ABL2: variants seen among roughly 807,000 people sequenced by gnomAD.
ABL2 encodes tyrosine-protein kinase ABL2.
ABL2 carries 49 observed loss-of-function variants against 107.7 expected under a neutral mutation model. The observed-to-expected ratio is 0.45, with a 90% confidence interval of 0.36 to 0.58. The LOEUF (loss-of-function observed/expected upper bound fraction) is 0.58, where lower values mean the gene tolerates loss of function less well. ABL2 is among the 20% of genes least tolerant of loss of function. The probability of loss-of-function intolerance (pLI) is 0.00; values close to 1 mark genes in which losing one functional copy is unlikely to be tolerated. For synonymous variants in ABL2, 549 were observed against 548.6 expected, an observed-to-expected ratio of 1.00 and a Z score of -0.01; for missense variants, 1,245 against 1,457.0, an observed-to-expected ratio of 0.85 and a Z score of 2.37.
intron 1 of ABL2, among the ~76,000 whole-genome samples, chr1:179,140,510 C>T (rs1048442404): frequency 6.6e-6 from 1 of 152,140 alleles, no homozygotes; most frequent in African/African-American, 2.4e-5. Flanking sequence ...ATCTAAGTCT[C>T]CTTGCTAAAA....
chr1:179,206,581 AGGG>A (rs1474742018), intron 1 of ABL2, among the ~76,000 whole-genome samples: 5 of 151,914 alleles, frequency 3.3e-5, no homozygotes, highest in African/African-American at 1.2e-4. Flanking sequence ...GCATCCATCT[AGGG>A]GGAAAAAAAA....
intron 1 of ABL2, among the ~76,000 whole-genome samples, chr1:179,172,008 A>G (rs1313433761): frequency 3.3e-5 from 5 of 152,262 alleles, no homozygotes; most frequent in African/African-American, 7.2e-5. Flanking sequence ...AAAAATCCCA[A>G]TGTATACCAC....
Position 179,174,027 on chromosome 1 carries a change from C to A in ABL2, c.158-40653G>T, listed in dbSNP as rs144228750. On this transcript the variant is annotated intron_variant, in intron 1 of 11. Transcript: ENST00000502732. Reference sequence around the variant, plus strand: ...GTTTCTGGCCGGGTGCGGTGGCTCACGCCTTTAATCCCAGCATTTTGGGAG... The same window carrying A: ...GTTTCTGGCCGGGTGCGGTGGCTCAAGCCTTTAATCCCAGCATTTTGGGAG... Among the ~76,000 whole-genome samples, 1,236 of 152,276 alleles carry A rather than the reference C, an allele frequency of 8.1e-3. 15 individuals carry two copies. The highest frequency in any genetic ancestry group is 0.028 in the African/African-American group (1,181 of 41,544).
At chr1:179,143,020 G>T (rs1657730248) in intron 1 of ABL2, 1 of 1,614,072 alleles carries the variant, frequency 6.2e-7, no homozygotes, top group Non-Finnish European at 8.5e-7. Flanking sequence ...CTATTAGGTG[G>T]AAGGAGAACT....
At chr1:179,177,429 T>C (rs1168179457) in intron 1 of ABL2, among the ~76,000 whole-genome samples, 4 of 152,192 alleles carry the variant, frequency 2.6e-5, no homozygotes, top group Admixed American at 1.3e-4. Flanking sequence ...CTCAGGGAGA[T>C]TGTTTCTGGG....
intron 1 of ABL2, among the ~76,000 whole-genome samples, chr1:179,197,558 AAAAAAAAAAAAAAAAATT>A (rs1487825307): frequency 6.9e-6 from 1 of 145,316 alleles, no homozygotes; most frequent in Admixed American, 6.9e-5. Context: ...GCTTGGTTCA[AAAAAAAAAAAAAAAAATT>A]AAAAAAAAAA....
chr1:179,212,592 G>A (rs1329658553), intron 1 of ABL2, among the ~76,000 whole-genome samples: 1 of 151,494 alleles, frequency 6.6e-6, no homozygotes, highest in African/African-American at 2.4e-5. Context: ...AATTAGCCAG[G>A]CATGGTGGCA....
At chr1:179,215,701 A>G (rs1345123539) in intron 1 of ABL2, among the ~76,000 whole-genome samples, 1 of 152,194 alleles carries the variant, frequency 6.6e-6, no homozygotes, top group African/African-American at 2.4e-5. Context: ...CCTCAAAAAA[A>G]AAAAAGAAAA....
Position 179,106,926 on chromosome 1 carries a change from G to T in ABL2, c.*792C>A, listed in dbSNP as rs969256027. On this transcript the variant is annotated 3_prime_UTR_variant, in exon 12 of 12. Transcript: ENST00000502732. Reference sequence around the variant, plus strand: ...GCAAAAGACAGAGAAGAACCACTAGGGAGACCCCTGTACTTATGGTTTACA... The same window carrying T: ...GCAAAAGACAGAGAAGAACCACTAGTGAGACCCCTGTACTTATGGTTTACA... 1.3e-5 allele frequency: 3 copies of T among 230,578 alleles called. No homozygotes were observed. The highest frequency in any genetic ancestry group is 1.7e-5 in the Non-Finnish European group (2 of 116,432). 14.3% of individuals were successfully genotyped at this position (230,578 alleles called of 1,614,324 possible). A position where few individuals can be genotyped will look rare whatever the true frequency, so the allele number is the denominator to read the frequency against.
intron 1 of ABL2, among the ~76,000 whole-genome samples, chr1:179,139,980 G>T (rs1657426744): frequency 6.6e-6 from 1 of 152,186 alleles, no homozygotes; most frequent in Admixed American, 6.5e-5. Flanking sequence ...TGGGACCACT[G>T]ATGTAGACTA....
Position 179,121,862 on chromosome 1 carries a change from A to G in ABL2, c.693T>C (p.Tyr231=). The G allele has an allele frequency of 1.9e-6, 3 of 1,606,066 alleles. No homozygotes were observed. The highest frequency in any genetic ancestry group is 2.5e-6 in the Non-Finnish European group (3 of 1,176,504). The change falls in exon 5 of 12, where the codon TAT becomes TAC. Residue 231 remains tyrosine, a synonymous_variant. Coordinates refer to ENST00000502732, the MANE Select transcript of ABL2 (RefSeq NM_007314.4). ...TGCTGAAGCGGCTCTCAGCAGTCAC[A>G]TACACCTGGTAAGAAAAGGAGAAAA... is the stretch of plus-strand genomic sequence containing the variant. ...RINTTADGKV[Y]VTAESRFSTL...
rs1226706130 is a variant in ABL2 at position 179,186,211 on chromosome 1, C to T, written c.157+43030G>A. On this transcript the variant is annotated intron_variant, in intron 1 of 11. Coordinates refer to ENST00000502732, the MANE Select transcript of ABL2 (RefSeq NM_007314.4). ...AGTGAGCCGAGATGGCATCACTGCACTCCAGCCTGGGTGACAGAGGGAGAC... is the reference window on the plus strand; with the variant it reads ...AGTGAGCCGAGATGGCATCACTGCATTCCAGCCTGGGTGACAGAGGGAGAC... 2.6e-5 allele frequency among the ~76,000 whole-genome samples: 4 copies of T among 152,030 alleles called. No homozygotes were observed. The East Asian group carries it at 7.7e-4, about 29-fold the overall frequency.
chr1:179,136,989 G>C (rs1313520518), intron 1 of ABL2, among the ~76,000 whole-genome samples: 1 of 150,334 alleles, frequency 6.7e-6, no homozygotes, highest in African/African-American at 2.4e-5. Context: ...GGTTGGCTCT[G>C]TAATTCTCCA....
At chr1:179,145,299 G>A (rs1443534360) in intron 1 of ABL2, among the ~76,000 whole-genome samples, 1 of 152,026 alleles carries the variant, frequency 6.6e-6, no homozygotes, top group Non-Finnish European at 1.5e-5. Context: ...AGTTAAAATA[G>A]TAAATTCTGA....
chr1:179,134,974 C>T (rs1656725613), intron 1 of ABL2, among the ~76,000 whole-genome samples: 1 of 152,264 alleles, frequency 6.6e-6, no homozygotes. Context: ...GCGAGTGATC[C>T]GCCAGCCTCG....
Position 179,125,371 on chromosome 1 carries a change from T to C in ABL2, c.687+1006A>G, listed in dbSNP as rs1231644829. ...ATTTATTAATCCATTCTACTGTTGTTAGATCTGTGGGTGTTTCTAGTTTTT... is the reference window on the plus strand; with the variant it reads ...ATTTATTAATCCATTCTACTGTTGTCAGATCTGTGGGTGTTTCTAGTTTTT... On this transcript the variant is annotated intron_variant, in intron 4 of 11. Transcript: ENST00000502732. 3.9e-5 allele frequency among the ~76,000 whole-genome samples: 6 copies of C among 152,372 alleles called. No homozygotes were observed. In the South Asian group the frequency reaches 8.3e-4, roughly 21 times the overall value.
chr1:179,121,855 C>T lies in ABL2; in HGVS notation c.700G>A (p.Ala234Thr). The T allele has an allele frequency of 6.2e-7, 1 of 1,611,694 alleles. No homozygotes were observed. Among genetic ancestry groups the T allele is most frequent in the Non-Finnish European group, 8.5e-7 (1 of 1,179,072 alleles). The change falls in exon 5 of 12, where the codon GCT (alanine) becomes ACT (threonine). Residue 234 changes from alanine to threonine, a missense_variant. Physicochemically the swap from Ala to Thr is moderately conservative, Grantham distance 58. Transcript: ENST00000502732. ...GCCAAGGTGCTGAAGCGGCTCTCAG[C>T]AGTCACATACACCTGGTAAGAAAAG... is the stretch of plus-strand genomic sequence containing the variant. ...TTADGKVYVT[A>T]ESRFSTLAEL...
intron 1 of ABL2, among the ~76,000 whole-genome samples, chr1:179,179,167 T>C (rs75819968): frequency 0.015 from 2,228 of 152,326 alleles, 47 homozygotes; most frequent in African/African-American, 0.049. Flanking sequence ...GTAAGGCTTA[T>C]ATAATGTTGT....
chr1:179,229,173 AC>A, intron 1 of ABL2, 67 bp downstream of exon 1: 1 of 223,208 alleles, frequency 4.5e-6, no homozygotes, highest in Non-Finnish European at 7.2e-6. Flanking sequence ...CCCGTCCGCC[AC>A]CCACCCCGCC....
Sources: allele counts gnomAD v4.1 joint callset (sites outside exome capture counted in the v4.1 genomes callset), GRCh38; gene constraint gnomAD v4.1.1; transcripts MANE v1.5; gene names NCBI Gene and HGNC (gene_info 2026-07-23, HGNC 2026-07-21).